NR2F1-AS1: variants seen among roughly 807,000 people sequenced by gnomAD.
The protein encoded by NR2F1-AS1 is NR2F1 regulatory antisense RNA 1, also known as NR2F1 antisense RNA 1.
At chr5:93,567,162 T>C (rs1752637717) in intron 1 of NR2F1-AS1, among the ~76,000 whole-genome samples, 1 of 152,106 alleles carries the variant, frequency 6.6e-6, no homozygotes, top group South Asian at 2.1e-4. Context: ...GTTATGTTGA[T>C]ATGTTATTTG....
intron 4 of NR2F1-AS1, among the ~76,000 whole-genome samples, chr5:93,434,337 T>TA (rs748047704): frequency 1.3e-5 from 2 of 152,184 alleles, no homozygotes; most frequent in Non-Finnish European, 2.9e-5. Context: ...TTCAACTTTT[T>TA]ATTTTCAAAT....
intron 4 of NR2F1-AS1, among the ~76,000 whole-genome samples, chr5:93,522,450 C>A (rs1019539330): frequency 3.0e-4 from 46 of 152,130 alleles, no homozygotes; most frequent in Non-Finnish European, 8.8e-5. Flanking sequence ...TAATTCATTC[C>A]CTTTTTTAAA....
chr5:93,500,866 C>A (rs774784943), intron 4 of NR2F1-AS1, among the ~76,000 whole-genome samples: 1 of 152,146 alleles, frequency 6.6e-6, no homozygotes, highest in African/African-American at 2.4e-5. Context: ...CTGCCTGCCT[C>A]GGCCTCCCAA....
intron 4 of NR2F1-AS1, among the ~76,000 whole-genome samples, chr5:93,497,042 T>G (rs1236422043): frequency 6.6e-6 from 1 of 152,162 alleles, no homozygotes; most frequent in East Asian, 1.9e-4. Flanking sequence ...ATGAGTGGAC[T>G]TCTAAAATAT....
intron 1 of NR2F1-AS1, among the ~76,000 whole-genome samples, chr5:93,564,218 A>T (rs1752566466): frequency 6.6e-6 from 1 of 150,854 alleles, no homozygotes. Flanking sequence ...CCCACCCTAA[A>T]GAAAATGGTT....
At chr5:93,556,121 T>C (rs1752348981) in intron 2 of NR2F1-AS1, among the ~76,000 whole-genome samples, 1 of 152,196 alleles carries the variant, frequency 6.6e-6, no homozygotes, top group Admixed American at 6.5e-5. Flanking sequence ...ATGTTCTTTC[T>C]GCTTCTGTAG....
intron 4 of NR2F1-AS1, among the ~76,000 whole-genome samples, chr5:93,427,014 A>T (rs999808380): frequency 6.6e-6 from 1 of 152,204 alleles, no homozygotes; most frequent in African/African-American, 2.4e-5. Context: ...ATTTATAAGT[A>T]TACCTAGACA....
chr5:93,498,583 A>G (rs886902168), intron 4 of NR2F1-AS1, among the ~76,000 whole-genome samples: 1 of 152,136 alleles, frequency 6.6e-6, no homozygotes, highest in East Asian at 1.9e-4. Flanking sequence ...AGAACAGCAC[A>G]AAGAAAAAAA....
chr5:93,497,794 T>A (rs1440420701), intron 4 of NR2F1-AS1, among the ~76,000 whole-genome samples: 1 of 152,220 alleles, frequency 6.6e-6, no homozygotes, highest in Admixed American at 6.6e-5. Context: ...AAGTCAAAGT[T>A]AAGATTCTCA....
At chr5:93,582,562 T>G (rs1753127908), upstream of NR2F1-AS1, among the ~76,000 whole-genome samples, 1 of 152,228 alleles carries the variant, frequency 6.6e-6, no homozygotes, top group Non-Finnish European at 1.5e-5. Context: ...CCAAATCCAG[T>G]ATATTTCACA....
chr5:93,471,746 G>C (rs1277233385), intron 4 of NR2F1-AS1, among the ~76,000 whole-genome samples: 5 of 151,740 alleles, frequency 3.3e-5, no homozygotes, highest in African/African-American at 1.2e-4. Flanking sequence ...AAGAACTGTT[G>C]GTCATAAGTT....
intron 4 of NR2F1-AS1, among the ~76,000 whole-genome samples, chr5:93,483,426 C>T (rs895540819): frequency 1.3e-5 from 2 of 152,146 alleles, no homozygotes; most frequent in African/African-American, 4.8e-5. Flanking sequence ...GATGTCCACA[C>T]AGAAACCCCA....
rs374272400 is a variant in NR2F1-AS1, at chr5:93,440,193, GTCTC to G, written n.639-44655_639-44652del. On this transcript the variant is annotated intron_variant and non_coding_transcript_variant, in intron 4 of 5. Coordinates refer to ENST00000660523, the Ensembl canonical transcript of NR2F1-AS1. ...TTTCTCTCGCTCGCTCTCTCTCTCT[GTCTC>G]TCTCTCTCTCTCTCTCTCTCTCACA... is the stretch of plus-strand genomic sequence containing the variant. Among the ~76,000 whole-genome samples, 1,248 of 143,902 alleles carry G rather than the reference GTCTC, an allele frequency of 8.7e-3. 6 individuals are homozygous for G. The highest frequency in any genetic ancestry group is 9.7e-3 in the Non-Finnish European group (628 of 65,056). The allele number at this position is 143,902 out of a possible 152,430, so 94.4% of individuals were successfully genotyped here.
At chr5:93,568,343 T>C (rs1752664048) in intron 1 of NR2F1-AS1, among the ~76,000 whole-genome samples, 1 of 152,228 alleles carries the variant, frequency 6.6e-6, no homozygotes. Flanking sequence ...CAAAAGCCTA[T>C]GTATTTAAAT....
intron 4 of NR2F1-AS1, among the ~76,000 whole-genome samples, chr5:93,523,438 C>T (rs1751546145): frequency 1.3e-5 from 2 of 152,164 alleles, no homozygotes; most frequent in Admixed American, 1.3e-4. Context: ...CAGACTTAAA[C>T]ATTCCTGCCT....
chr5:93,548,772 G>A (rs992250877), intron 4 of NR2F1-AS1, among the ~76,000 whole-genome samples: 1 of 152,126 alleles, frequency 6.6e-6, no homozygotes, highest in East Asian at 1.9e-4. Context: ...TTGGGAGGCT[G>A]AGATAGGAGA....
intron 4 of NR2F1-AS1, among the ~76,000 whole-genome samples, chr5:93,538,771 A>G (rs1003312321): frequency 1.3e-5 from 2 of 152,172 alleles, no homozygotes; most frequent in African/African-American, 2.4e-5. Context: ...ATTTATTTCA[A>G]TGTTTAGTAT....
chr5:93,463,501 C>T (rs941703112), intron 4 of NR2F1-AS1, among the ~76,000 whole-genome samples: 4 of 152,152 alleles, frequency 2.6e-5, no homozygotes, highest in African/African-American at 9.7e-5. Context: ...GGGGCACTGC[C>T]TAGTGGAGCT....
At chr5:93,467,435 A>T (rs1044148074) in intron 4 of NR2F1-AS1, among the ~76,000 whole-genome samples, 4 of 151,804 alleles carry the variant, frequency 2.6e-5, no homozygotes, top group Non-Finnish European at 5.9e-5. Context: ...AGGCCCTCAT[A>T]CTTCTTAGCT....
Sources: allele counts gnomAD v4.1 joint callset (sites outside exome capture counted in the v4.1 genomes callset), GRCh38; gene constraint gnomAD v4.1.1; transcripts MANE v1.5; gene names NCBI Gene and HGNC (gene_info 2026-07-23, HGNC 2026-07-21).